The following GDAP1 variants were observed in gnomAD, a reference collection of about 807,000 sequenced individuals.
GDAP1 encodes ganglioside-induced differentiation-associated protein 1.
A neutral mutation model predicts 40.1 loss-of-function variants in GDAP1; 34 were observed. The observed-to-expected ratio is 0.85, with a 90% confidence interval of 0.64 to 1.13. The LOEUF (loss-of-function observed/expected upper bound fraction) is 1.13, where lower values mean the gene tolerates loss of function less well. Ranked by LOEUF, GDAP1 falls within the 50% of genes most tolerant of loss-of-function variation. GDAP1 has a pLI of 0.00. For missense variants in GDAP1, 374 were observed against 433.7 expected (o/e 0.86, Z 1.22); for synonymous variants, 170 against 157.4 (o/e 1.08, Z -0.60).
intron 2 of GDAP1, 80 bp from the exon 3 acceptor site, chr8:74,360,057 G>A (rs1200100389): frequency 1.1e-6 from 1 of 931,676 alleles, no homozygotes; most frequent in South Asian, 1.3e-5. Flanking sequence ...AATGATGAGT[G>A]GATAGTGTTT....
intron 2 of GDAP1, among the ~76,000 whole-genome samples, chr8:74,482,501 G>A (rs1331622805): frequency 6.6e-6 from 1 of 151,850 alleles, no homozygotes; most frequent in Non-Finnish European, 1.5e-5. Flanking sequence ...ATGTGGCATG[G>A]TTAAAAAACA....
intron 2 of GDAP1, among the ~76,000 whole-genome samples, chr8:74,465,583 G>C (rs1563476850): frequency 6.6e-6 from 1 of 152,062 alleles, no homozygotes; most frequent in Non-Finnish European, 1.5e-5. Flanking sequence ...TGTAAGTCTG[G>C]TCAAATTACT....
chr8:74,486,049 G>A lies in GDAP1; in HGVS notation c.166-2629G>A, dbSNP rs78223350. Among the ~76,000 whole-genome samples, 31 of 152,256 alleles carry A rather than the reference G, an allele frequency of 2.0e-4. No individual in the cohort carries two copies. In the East Asian group the frequency reaches 4.3e-3, roughly 21 times the overall value. On this transcript the variant is annotated intron_variant, in intron 2 of 2. Transcript: ENST00000523640. ...TCCTTGAGAGAATTCCACTGAAGGGGAAATCCATGTTAGCAAGACTTAGGC... is the reference window on the plus strand; with the variant it reads ...TCCTTGAGAGAATTCCACTGAAGGGAAAATCCATGTTAGCAAGACTTAGGC...
chr8:74,458,018 AT>A (rs1436407349), intron 2 of GDAP1, among the ~76,000 whole-genome samples: 1 of 152,138 alleles, frequency 6.6e-6, no homozygotes, highest in African/African-American at 2.4e-5. Flanking sequence ...GTTTTTAAGA[AT>A]AACTGTTCAC....
At chr8:74,357,679 A>T (rs1240641048) in intron 2 of GDAP1, among the ~76,000 whole-genome samples, 1 of 152,186 alleles carries the variant, frequency 6.6e-6, no homozygotes, top group Non-Finnish European at 1.5e-5. Flanking sequence ...CTAGCTTAAT[A>T]CCAAGCCTCA....
intron 2 of GDAP1, among the ~76,000 whole-genome samples, chr8:74,454,477 A>G (rs1249764965): frequency 1.2e-5 from 1 of 83,482 alleles, no homozygotes. Flanking sequence ...TTCCCCTGCC[A>G]GTTCAGAATA....
intron 2 of GDAP1, among the ~76,000 whole-genome samples, chr8:74,461,058 A>G (rs542641675): frequency 6.6e-6 from 1 of 152,164 alleles, no homozygotes; most frequent in African/African-American, 2.4e-5. Flanking sequence ...GTCAGTCTGC[A>G]TCTGAGGCCA....
At chr8:74,460,890 G>A (rs16938909) in intron 2 of GDAP1, among the ~76,000 whole-genome samples, 6,869 of 152,224 alleles carry the variant, frequency 0.045, 465 homozygotes, top group African/African-American at 0.15. Flanking sequence ...GAATAGCAGT[G>A]TTAAAATGTT....
chr8:74,384,678 T>C (rs569657352), intron 2 of GDAP1, among the ~76,000 whole-genome samples: 1 of 152,230 alleles, frequency 6.6e-6, no homozygotes, highest in South Asian at 2.1e-4. Context: ...TGGTTTCAGG[T>C]TTCACTACAA....
intron 2 of GDAP1, among the ~76,000 whole-genome samples, chr8:74,448,373 A>G (rs1806258776): frequency 6.6e-6 from 1 of 152,108 alleles, no homozygotes; most frequent in African/African-American, 2.4e-5. Flanking sequence ...AATATGCCAC[A>G]ATTTGCTATC....
chr8:74,445,826 A>T (rs1806220017), intron 2 of GDAP1, among the ~76,000 whole-genome samples: 1 of 152,226 alleles, frequency 6.6e-6, no homozygotes, highest in Admixed American at 6.5e-5. Context: ...ACTGCAGATT[A>T]TAGTTTGAGA....
chr8:74,400,573 G>T (rs1269063373), intron 2 of GDAP1, among the ~76,000 whole-genome samples: 1 of 149,966 alleles, frequency 6.7e-6, no homozygotes, highest in Non-Finnish European at 1.5e-5. Flanking sequence ...ATACTGTTAT[G>T]TGTGAATTTG....
chr8:74,455,257 G>A (rs969513303), intron 2 of GDAP1, among the ~76,000 whole-genome samples: 3 of 151,732 alleles, frequency 2.0e-5, no homozygotes, highest in East Asian at 1.9e-4. Context: ...TTTAAACAAC[G>A]AGTCTATAGC....
chr8:74,371,356 A>T (rs1016747823), downstream of GDAP1, among the ~76,000 whole-genome samples: 1 of 152,246 alleles, frequency 6.6e-6, no homozygotes, highest in East Asian at 1.9e-4. Context: ...GAAAGAAGAA[A>T]TCATAAGGGA....
intron 2 of GDAP1, among the ~76,000 whole-genome samples, chr8:74,358,608 A>C (rs1048053161): frequency 2.6e-5 from 4 of 152,230 alleles, no homozygotes; most frequent in African/African-American, 7.2e-5. Flanking sequence ...TGTTTCCTGT[A>C]GCCTCTGGAA....
At chr8:74,446,189 G>C (rs1210351428) in intron 2 of GDAP1, among the ~76,000 whole-genome samples, 2 of 152,128 alleles carry the variant, frequency 1.3e-5, no homozygotes, top group Admixed American at 1.3e-4. Flanking sequence ...CCAATATTCT[G>C]GAGTCTTTTA....
At chr8:74,395,997 TCA>T (rs1810192305) in intron 2 of GDAP1, among the ~76,000 whole-genome samples, 1 of 152,138 alleles carries the variant, frequency 6.6e-6, no homozygotes, top group African/African-American at 2.4e-5. Context: ...TCAGAGTGTC[TCA>T]CATGTGTAGT....
chr8:74,470,625 T>C (rs1282757818), intron 2 of GDAP1, among the ~76,000 whole-genome samples: 1 of 152,258 alleles, frequency 6.6e-6, no homozygotes, highest in Non-Finnish European at 1.5e-5. Context: ...GGTGTATATG[T>C]GCCACATTCT....
chr8:74,363,923 C>A, intron 5 of GDAP1, 62 bp from the exon 6 acceptor site: 1 of 1,425,354 alleles, frequency 7.0e-7, no homozygotes, highest in Non-Finnish European at 9.9e-7. Context: ...ACCACTGATA[C>A]CAGCTGGAGT....
Sources: allele counts gnomAD v4.1 joint callset (sites outside exome capture counted in the v4.1 genomes callset), GRCh38; gene constraint gnomAD v4.1.1; transcripts MANE v1.5; gene names NCBI Gene and HGNC (gene_info 2026-07-23, HGNC 2026-07-21).